The following PDGFRA variants were observed in gnomAD, a reference collection of about 807,000 sequenced individuals.
PDGFRA encodes the protein platelet derived growth factor receptor alpha.
A neutral mutation model predicts 121.5 loss-of-function variants in PDGFRA; 25 were observed. The observed-to-expected ratio is 0.21, with a 90% CI of 0.15 to 0.29. PDGFRA has a LOEUF of 0.29. Ranked by LOEUF, PDGFRA falls within the 10% of genes least tolerant of loss-of-function variation. PDGFRA has a pLI of 1.00. For synonymous variants in PDGFRA, 463 were observed against 494.8 expected, an observed-to-expected ratio of 0.94 and a Z score of 0.85; for missense variants, 1,008 against 1,345.1, an observed-to-expected ratio of 0.75 and a Z score of 3.92.
chr4:54,274,614 A>G lies in PDGFRA; in HGVS notation c.1642A>G (p.Ile548Val), dbSNP rs1060501500. ...VIISLIVLVVIWKQKPRYEIR... is the reference protein window; with the variant it reads ...VIISLIVLVVVWKQKPRYEIR... ...CATCTCACTTATTGTCCTGGTTGTC[A>G]TTTGGAAACAGGTAGATATTTTCTC... is the stretch of plus-strand genomic sequence containing the variant. Residue 548 changes from isoleucine to valine, a missense_variant, in exon 11 of 23, where the codon ATT (isoleucine) becomes GTT (valine). Ile to Val is a conservative substitution (Grantham distance 29). Coordinates refer to ENST00000257290, the MANE Select transcript of PDGFRA (RefSeq NM_006206.6). 1 of 1,611,330 alleles carries G rather than the reference A, an allele frequency of 6.2e-7. No homozygotes were observed. The highest frequency in any genetic ancestry group is 1.7e-5 in the Admixed American group (1 of 60,018).
intron 16 of PDGFRA, among the ~76,000 whole-genome samples, chr4:54,283,072 G>T (rs894685164): frequency 2.0e-5 from 3 of 152,206 alleles, no homozygotes; most frequent in Admixed American, 1.3e-4. Flanking sequence ...AGTGCCTGTG[G>T]TTTTTCCTGG....
rs1577724130 is a variant in PDGFRA, at chr4:54,273,575, A to G, written c.1403A>G (p.Asn468Ser). 1 of 1,614,090 alleles carries G rather than the reference A, an allele frequency of 6.2e-7. No individual in the cohort carries two copies. Among genetic ancestry groups the G allele is most frequent in the Non-Finnish European group, 8.5e-7 (1 of 1,179,998 alleles). ...ACTTCCTGGACTATTTTGGCCAACA[A>G]TGTCTCAAACATCATCACGGAGATC... ...NETSWTILANNVSNIITEIHS... is the reference protein window; with the variant it reads ...NETSWTILANSVSNIITEIHS... The change falls in exon 10 of 23, where the codon AAT (asparagine) becomes AGT (serine). Residue 468 changes from asparagine (N) to serine (S), a missense_variant. Coordinates refer to ENST00000257290, the MANE Select transcript of PDGFRA (RefSeq NM_006206.6).
At chr4:54,275,235 G>A (rs1429978855) in intron 12 of PDGFRA, among the ~76,000 whole-genome samples, 1 of 152,146 alleles carries the variant, frequency 6.6e-6, no homozygotes, top group African/African-American at 2.4e-5. Flanking sequence ...GGCTGGCAAA[G>A]ATACCCACCA....
chr4:54,246,910 G>C (rs1273311629), intron 1 of PDGFRA, among the ~76,000 whole-genome samples: 1 of 150,064 alleles, frequency 6.7e-6, no homozygotes. Context: ...CCACAGAAAT[G>C]CAAACTACCA....
At chr4:54,295,066 C>T (rs185926619) in intron 22 of PDGFRA, 59 bp from the exon 23 acceptor site, 3 of 1,539,010 alleles carry the variant, frequency 1.9e-6, no homozygotes, top group Admixed American at 1.7e-5. Context: ...TGGGGGGCCA[C>T]AGTCTAGGTC....
chr4:54,285,202 T>A (rs1724277871), intron 16 of PDGFRA, among the ~76,000 whole-genome samples, 169 bp from the exon 17 acceptor site: 1 of 152,170 alleles, frequency 6.6e-6, no homozygotes, highest in Non-Finnish European at 1.5e-5. Context: ...GGCCTATATA[T>A]CTATTTTCTA....
Position 54,261,108 on chromosome 4 carries a change from C to T in PDGFRA, c.63C>T (p.Ile21=). 6.2e-7 allele frequency: 1 copy of T among 1,614,056 alleles called. No individual in the cohort carries two copies. The highest frequency in any genetic ancestry group is 8.5e-7 in the Non-Finnish European group (1 of 1,179,912). ...LGCLLTGLSL[I]LCQLSLPSIL... The stretch of plus-strand genomic sequence containing the variant: ...TTCCTTTTGCAGGGCTGAGCCTAAT[C>T]CTCTGCCAGCTTTCATTACCCTCTA... Residue 21 remains isoleucine, a synonymous_variant, in exon 3 of 23, where the codon ATC becomes ATT. Transcript: ENST00000257290.
At chr4:54,284,668 G>A (rs1267866308) in intron 16 of PDGFRA, among the ~76,000 whole-genome samples, 1 of 151,866 alleles carries the variant, frequency 6.6e-6, no homozygotes, top group South Asian at 2.1e-4. Context: ...GCACCAAGGG[G>A]ATGGTGCTAA....
At chr4:54,242,573 G>C (rs1226379681) in intron 1 of PDGFRA, among the ~76,000 whole-genome samples, 1 of 151,708 alleles carries the variant, frequency 6.6e-6, no homozygotes, top group Non-Finnish European at 1.5e-5. Context: ...ATATATGTAT[G>C]TATGTGTGTA....
chr4:54,243,522 A>G (rs1230031820), intron 1 of PDGFRA: 1 of 152,238 alleles, frequency 6.6e-6, no homozygotes, highest in East Asian at 1.9e-4. Flanking sequence ...TATATGAAAG[A>G]TTAACATTTT....
rs1724094403 is a variant in PDGFRA at position 54,281,861 on chromosome 4, T to G, written c.2323+1379T>G. 5.7e-6 allele frequency: 7 copies of G among 1,230,420 alleles called. No homozygotes were observed. The South Asian group carries it at 1.3e-4, about 22-fold the overall frequency. 76.2% of individuals were successfully genotyped at this position (1,230,420 alleles called of 1,614,324 possible). A position where few individuals can be genotyped will look rare whatever the true frequency, so the allele number is the denominator to read the frequency against. ...ACAAAGAAACTCAAAGGAAAGTCAT[T>G]GGCACTGATCTCTAAGATGCTATCA... On this transcript the variant is annotated intron_variant, in intron 16 of 22. Transcript: ENST00000257290.
At chr4:54,291,993 G>A (rs1005506482) in intron 22 of PDGFRA, among the ~76,000 whole-genome samples, 9 of 152,148 alleles carry the variant, frequency 5.9e-5, no homozygotes, top group South Asian at 4.1e-4. Context: ...AGTCAGAATG[G>A]CTATTATTTA....
At chr4:54,271,838 T>TC (rs1723386579) in intron 8 of PDGFRA, among the ~76,000 whole-genome samples, 1 of 122,764 alleles carries the variant, frequency 8.1e-6, no homozygotes, top group African/African-American at 3.2e-5. Flanking sequence ...TCCTTCCTTT[T>TC]CCTCCCTCCC....
intron 4 of PDGFRA, chr4:54,264,225 C>A (rs1560469709): frequency 2.1e-6 from 1 of 486,066 alleles, no homozygotes; most frequent in Non-Finnish European, 3.6e-6. Context: ...CTGACTATGG[C>A]GGCCCTAAAA....
At chr4:54,284,634 A>T (rs1006632985) in intron 16 of PDGFRA, among the ~76,000 whole-genome samples, 18 of 151,070 alleles carry the variant, frequency 1.2e-4, no homozygotes, top group Admixed American at 5.3e-4. Context: ...ATCTTGTAAG[A>T]AGTCACTCAC....
chr4:54,277,527 G>A (rs2110309686), intron 13 of PDGFRA, 35 bp downstream of exon 13: 2 of 1,409,410 alleles, frequency 1.4e-6, no homozygotes, highest in South Asian at 1.2e-5. Context: ...TTTGAGCACG[G>A]GGATTTTTTG....
chr4:54,261,039 G>A lies in PDGFRA; in HGVS notation c.50-56G>A, dbSNP rs909797153. 5.1e-5 allele frequency: 76 copies of A among 1,481,652 alleles called. No individual in the cohort carries two copies. Among genetic ancestry groups the A allele is most frequent in the African/African-American group, 6.9e-5 (5 of 72,112 alleles). 91.8% of individuals were successfully genotyped at this position (1,481,652 alleles called of 1,614,324 possible). Reference sequence around the variant, plus strand: ...GCTACTGTTGCTTCTCTCAGTTGTCGGGATGAGACTGTCCTTTCTGACTGC... The same window carrying A: ...GCTACTGTTGCTTCTCTCAGTTGTCAGGATGAGACTGTCCTTTCTGACTGC... On this transcript the variant is annotated intron_variant, in intron 2 of 22. Transcript: ENST00000257290.
At chr4:54,244,506 T>C (rs1721506920) in intron 1 of PDGFRA, among the ~76,000 whole-genome samples, 1 of 152,168 alleles carries the variant, frequency 6.6e-6, no homozygotes, top group African/African-American at 2.4e-5. Flanking sequence ...CAGCTGAGGA[T>C]CCTGTCTGTT....
At chr4:54,261,017 A>G in intron 2 of PDGFRA, 78 bp from the exon 3 acceptor site, 3 of 1,271,864 alleles carry the variant, frequency 2.4e-6, no homozygotes, top group East Asian at 2.3e-5. Context: ...CTAAGCTGCT[A>G]CTGTTGCTTC....
Sources: gnomAD v4.1 joint callset for allele counts (sites outside exome capture counted in the v4.1 genomes callset) on GRCh38, gnomAD v4.1.1 for gene constraint, MANE v1.5 for transcripts, NCBI Gene and HGNC (gene_info 2026-07-23, HGNC 2026-07-21) for gene names.